The following NEK11 variants were observed in gnomAD, a reference collection of about 807,000 sequenced individuals.
NEK11 encodes the protein serine/threonine-protein kinase Nek11.
In NEK11, 72 loss-of-function variants were observed where a neutral mutation model predicts 80.7. The observed-to-expected ratio is 0.89, with a 90% CI of 0.74 to 1.08. The LOEUF is 1.08. Among genes scored for constraint, NEK11 ranks in the 50% least tolerant of loss-of-function variants. The probability of loss-of-function intolerance (pLI) is 0.00; values close to 1 mark genes in which losing one functional copy is unlikely to be tolerated. For missense variants in NEK11, 764 were observed against 763.6 expected, an observed-to-expected ratio of 1.00 and a Z score of -0.01; for synonymous variants, 251 against 260.7, an observed-to-expected ratio of 0.96 and a Z score of 0.36.
At chr3:131,223,914 C>A (rs1013349385) in intron 14 of NEK11, among the ~76,000 whole-genome samples, 1 of 151,972 alleles carries the variant, frequency 6.6e-6, no homozygotes, top group South Asian at 2.1e-4. Context: ...AGAAATTATT[C>A]TATTTAAAAT....
intron 17 of NEK11, among the ~76,000 whole-genome samples, chr3:131,281,265 T>C (rs1015489206): frequency 6.6e-6 from 1 of 152,246 alleles, no homozygotes; most frequent in African/African-American, 2.4e-5. Flanking sequence ...CCTTGCCCTA[T>C]TTCCTCCCTT....
chr3:131,282,742 G>A (rs889216606), intron 17 of NEK11, among the ~76,000 whole-genome samples: 1 of 140,430 alleles, frequency 7.1e-6, no homozygotes, highest in Admixed American at 6.8e-5. Flanking sequence ...AACATGAGAA[G>A]TCCATGATCT....
intron 5 of NEK11, among the ~76,000 whole-genome samples, chr3:131,132,505 A>G (rs951336151): frequency 5.3e-5 from 8 of 152,070 alleles, no homozygotes; most frequent in Non-Finnish European, 1.0e-4. Context: ...AATAGTTGAA[A>G]GCATATCACC....
chr3:131,177,232 C>T (rs1327145425), intron 14 of NEK11, among the ~76,000 whole-genome samples: 1 of 152,118 alleles, frequency 6.6e-6, no homozygotes, highest in Non-Finnish European at 1.5e-5. Flanking sequence ...TCAGATCTGC[C>T]TTTGAGTCCT....
chr3:131,323,402 G>T (rs550284957), intron 17 of NEK11, among the ~76,000 whole-genome samples: 5 of 152,250 alleles, frequency 3.3e-5, no homozygotes, highest in Admixed American at 2.0e-4. Flanking sequence ...GTAAAATGAG[G>T]TATCGATTCC....
At chr3:131,162,568 T>TTCTCAGGGC in intron 11 of NEK11, 41 bp downstream of exon 11, 1 of 1,605,122 alleles carries the variant, frequency 6.2e-7, no homozygotes, top group Non-Finnish European at 8.5e-7. Flanking sequence ...TCGGGACTAC[T>TTCTCAGGGC]TCTCAGGGCT....
intron 14 of NEK11, among the ~76,000 whole-genome samples, chr3:131,192,387 A>G (rs2093831715): frequency 6.6e-6 from 1 of 152,182 alleles, no homozygotes. Context: ...TGATTCGTCA[A>G]AAAATTAAAC....
chr3:131,243,629 G>A (rs2095551658), intron 16 of NEK11, 133 bp downstream of exon 16: 3 of 708,022 alleles, frequency 4.2e-6, no homozygotes, highest in Middle Eastern at 2.5e-4. Context: ...GCCAATAGAA[G>A]TTGAATGTCT....
At chr3:131,318,209 C>T (rs6803714) in intron 17 of NEK11, among the ~76,000 whole-genome samples, 4 of 152,156 alleles carry the variant, frequency 2.6e-5, no homozygotes, top group Non-Finnish European at 5.9e-5. Flanking sequence ...GAAAAACCTA[C>T]TTCAGTTGTG....
Position 131,028,806 on chromosome 3 carries a change from G to T in NEK11, c.-97+804G>T, listed in dbSNP as rs182817830. ...CCTGACCTCGTGATCCGCCCGCCTT[G>T]GCCTCCCAAAGTGCTGGTACTACAG... On this transcript the variant is annotated intron_variant, in intron 2 of 17. Transcript: ENST00000383366. Among the ~76,000 whole-genome samples the T allele has an allele frequency of 3.1e-3, 473 of 151,816 alleles. 1 individual carries two copies. The highest frequency in any genetic ancestry group is 0.011 in the African/African-American group (456 of 41,372).
chr3:131,208,129 C>T (rs2094499168), intron 14 of NEK11, among the ~76,000 whole-genome samples: 1 of 152,074 alleles, frequency 6.6e-6, no homozygotes, highest in African/African-American at 2.4e-5. Context: ...ATCCATCTTG[C>T]ATTAATTTTT....
chr3:131,061,361 G>T (rs1378427830), intron 3 of NEK11, among the ~76,000 whole-genome samples: 1 of 152,174 alleles, frequency 6.6e-6, no homozygotes, highest in African/African-American at 2.4e-5. Context: ...ACAGAAGGAA[G>T]TCTTGCATTG....
At chr3:131,331,585 C>T (rs897786207) in intron 17 of NEK11, among the ~76,000 whole-genome samples, 1 of 152,234 alleles carries the variant, frequency 6.6e-6, no homozygotes, top group African/African-American at 2.4e-5. Flanking sequence ...GTTCATCTCA[C>T]TAGGGAGTGC....
chr3:131,097,135 T>G (rs1578203483), intron 4 of NEK11, among the ~76,000 whole-genome samples: 3 of 151,900 alleles, frequency 2.0e-5, no homozygotes, highest in African/African-American at 4.8e-5. Flanking sequence ...AGTCTATCAT[T>G]GTTGGACATT....
intron 14 of NEK11, among the ~76,000 whole-genome samples, chr3:131,189,844 T>A (rs1172747909): frequency 6.6e-6 from 1 of 152,168 alleles, no homozygotes; most frequent in African/African-American, 2.4e-5. Context: ...TGTGAGGAAT[T>A]TAAAAGCACT....
At chr3:131,214,134 G>T (rs1025417747) in intron 14 of NEK11, among the ~76,000 whole-genome samples, 14 of 152,216 alleles carry the variant, frequency 9.2e-5, no homozygotes, top group African/African-American at 3.4e-4. Context: ...AATTTCTGTT[G>T]TTTAAGCCAC....
At chr3:131,095,065 C>T (rs73204052) in intron 4 of NEK11, among the ~76,000 whole-genome samples, 1 of 152,240 alleles carries the variant, frequency 6.6e-6, no homozygotes, top group Non-Finnish European at 1.5e-5. Flanking sequence ...TTCAGGCACA[C>T]AGCATTGTTT....
At chr3:131,049,676 A>G (rs1349252230) in intron 3 of NEK11, among the ~76,000 whole-genome samples, 1 of 152,220 alleles carries the variant, frequency 6.6e-6, no homozygotes, top group Non-Finnish European at 1.5e-5. Flanking sequence ...TTTGTCAGAT[A>G]AACTATGCAG....
chr3:131,173,008 A>C (rs2092785966), intron 14 of NEK11, among the ~76,000 whole-genome samples: 1 of 152,226 alleles, frequency 6.6e-6, no homozygotes, highest in Non-Finnish European at 1.5e-5. Context: ...TGACATGGGA[A>C]GTTACCTTAT....
Sources: allele counts gnomAD v4.1 joint callset (sites outside exome capture counted in the v4.1 genomes callset), GRCh38; gene constraint gnomAD v4.1.1; transcripts MANE v1.5; gene names NCBI Gene and HGNC (gene_info 2026-07-23, HGNC 2026-07-21).